Variants in PMS1 observed in about 807,000 individuals in gnomAD.
PMS1 encodes PMS1 protein homolog 1.
Under a neutral mutation model 93.1 loss-of-function variants are expected in PMS1, and 79 were observed. The observed-to-expected ratio is 0.85, with a 90% CI of 0.71 to 1.02. The LOEUF (loss-of-function observed/expected upper bound fraction) is 1.02, where lower values mean the gene tolerates loss of function less well. Among genes scored for constraint, PMS1 ranks in the 50% least tolerant of loss-of-function variants. PMS1 has a pLI of 0.00. For synonymous variants in PMS1, 335 were observed against 363.4 expected (o/e 0.92, Z 0.89); for missense variants, 1,064 against 1,085.3 (o/e 0.98, Z 0.28).
intron 5 of PMS1, among the ~76,000 whole-genome samples, chr2:189,843,401 A>G (rs2053981871): frequency 6.6e-6 from 1 of 152,198 alleles, no homozygotes; most frequent in African/African-American, 2.4e-5. Flanking sequence ...AGATTCAGTT[A>G]ACATTTTGTG....
intron 10 of PMS1, 134 bp downstream of exon 10, chr2:189,864,362 A>G: frequency 1.3e-6 from 1 of 775,532 alleles, no homozygotes; most frequent in Non-Finnish European, 2.2e-6. Context: ...AATCTTTTAA[A>G]CATTTGATTT....
Position 189,855,041 on chromosome 2 carries a change from T to G in PMS1, c.1769T>G (p.Leu590Arg), listed in dbSNP as rs756240681. ...GTTCAAGATCATCGTCCTCAGTTTCTCATAGAAAATCCTAAGACTAGTTTA... is the reference window on the plus strand; with the variant it reads ...GTTCAAGATCATCGTCCTCAGTTTCGCATAGAAAATCCTAAGACTAGTTTA... ...LFVQDHRPQF[L>R]IENPKTSLED... Residue 590 changes from leucine (L) to arginine (R), a missense_variant, in exon 9 of 13, where the codon CTC (leucine) becomes CGC (arginine). Leu to Arg is a moderately radical substitution (Grantham distance 102, BLOSUM62 -2). Transcript: ENST00000441310. The G allele has an allele frequency of 1.9e-6, 3 of 1,613,002 alleles. No homozygotes were observed. In the Admixed American group the frequency reaches 5.0e-5, roughly 27 times the overall value.
At chr2:189,814,058 T>G (rs1353308086) in intron 4 of PMS1, among the ~76,000 whole-genome samples, 1 of 152,224 alleles carries the variant, frequency 6.6e-6, no homozygotes, top group Non-Finnish European at 1.5e-5. Context: ...AATGCATACC[T>G]GCTCTGACTG....
intron 11 of PMS1, among the ~76,000 whole-genome samples, chr2:189,872,504 A>G (rs2057235986): frequency 6.6e-6 from 1 of 152,220 alleles, no homozygotes; most frequent in Admixed American, 6.5e-5. Context: ...ACAGCCAAAG[A>G]AGACACATCT....
chr2:189,797,225 G>T (rs1398078403), intron 3 of PMS1, among the ~76,000 whole-genome samples: 1 of 152,152 alleles, frequency 6.6e-6, no homozygotes, highest in Non-Finnish European at 1.5e-5. Context: ...GATGTGAATT[G>T]ACTTGGTCTA....
chr2:189,843,946 T>A lies in PMS1; in HGVS notation c.583-18T>A. 1 of 1,591,138 alleles carries A rather than the reference T, an allele frequency of 6.3e-7. No homozygotes were observed. Among genetic ancestry groups the A allele is most frequent in the African/African-American group, 1.3e-5 (1 of 74,544 alleles). ...TCTAAATTGTATTAAAAGTTATCTA[T>A]ATCATTTTTGTCCCTAGGCAGTTAT... On this transcript the variant is annotated intron_variant, in intron 5 of 12. Transcript: ENST00000441310.
chr2:189,825,999 C>T (rs1233288), intron 5 of PMS1, among the ~76,000 whole-genome samples: 54,385 of 151,950 alleles, frequency 0.36, 11,217 homozygotes, highest in African/African-American at 0.58. Context: ...GGAGATTTGG[C>T]AGTGAGTGGT....
chr2:189,791,290 TA>T (rs2048844249), intron 1 of PMS1, among the ~76,000 whole-genome samples: 1 of 152,128 alleles, frequency 6.6e-6, no homozygotes, highest in African/African-American at 2.4e-5. Flanking sequence ...ATTGAGGTGA[TA>T]ATGGCACCTA....
At chr2:189,797,025 A>C (rs1236162823) in intron 3 of PMS1, among the ~76,000 whole-genome samples, 1 of 152,198 alleles carries the variant, frequency 6.6e-6, no homozygotes, top group Non-Finnish European at 1.5e-5. Context: ...CAGAGCCTTT[A>C]CTATATTCAA....
chr2:189,836,880 C>T (rs987402095), intron 5 of PMS1, among the ~76,000 whole-genome samples: 5 of 152,120 alleles, frequency 3.3e-5, no homozygotes, highest in Admixed American at 6.5e-5. Context: ...GATCTTTTTA[C>T]GGTTGTGTAT....
At chr2:189,849,990 T>C (rs1350086480) in intron 6 of PMS1, among the ~76,000 whole-genome samples, 2 of 151,882 alleles carry the variant, frequency 1.3e-5, no homozygotes, top group African/African-American at 2.4e-5. Context: ...TACCAGAATT[T>C]AATTTCCAGC....
chr2:189,862,267 C>T (rs1348041371), intron 9 of PMS1, among the ~76,000 whole-genome samples: 4 of 152,074 alleles, frequency 2.6e-5, no homozygotes, highest in Non-Finnish European at 4.4e-5. Context: ...TGCTGTTAAG[C>T]CTACCCGGTG....
At chr2:189,839,442 A>C (rs1435848837) in intron 5 of PMS1, among the ~76,000 whole-genome samples, 1 of 152,354 alleles carries the variant, frequency 6.6e-6, no homozygotes, top group South Asian at 2.1e-4. Context: ...AAGGGAAACT[A>C]TAAACCCCTT....
At chr2:189,817,303 A>G (rs529218933) in intron 4 of PMS1, among the ~76,000 whole-genome samples, 1 of 152,358 alleles carries the variant, frequency 6.6e-6, no homozygotes, top group Admixed American at 6.5e-5. Context: ...GATTGATTTC[A>G]TAACTCAGAT....
At chr2:189,869,964 G>A (rs1234519586) in intron 11 of PMS1, among the ~76,000 whole-genome samples, 1 of 151,912 alleles carries the variant, frequency 6.6e-6, no homozygotes, top group Non-Finnish European at 1.5e-5. Context: ...CTCTTAGCTT[G>A]TAAGTAGTAT....
At chr2:189,788,335 T>C (rs5742960) in intron 1 of PMS1, among the ~76,000 whole-genome samples, 142,465 of 152,260 alleles carry the variant, frequency 0.94, 66,754 homozygotes, top group East Asian at 0.97. Context: ...AGTCCCAGTA[T>C]CCTGGGATGT....
At chr2:189,866,481 C>G (rs2056670074) in intron 10 of PMS1, among the ~76,000 whole-genome samples, 1 of 152,060 alleles carries the variant, frequency 6.6e-6, no homozygotes, top group Non-Finnish European at 1.5e-5. Flanking sequence ...AAAACTGAGT[C>G]AGGGACTAGT....
In PMS1 at chr2:189,791,823, C is replaced by G; in HGVS notation, c.14C>G (p.Pro5Arg). The G allele has an allele frequency of 6.2e-7, 1 of 1,613,886 alleles. No homozygotes were observed. Among genetic ancestry groups the G allele is most frequent in the Non-Finnish European group, 8.5e-7 (1 of 1,179,848 alleles). ...TTAAAAGCGAAAATGAAACAATTGCCTGCGGCAACAGTTCGACTCCTTTCA... is the reference window on the plus strand; with the variant it reads ...TTAAAAGCGAAAATGAAACAATTGCGTGCGGCAACAGTTCGACTCCTTTCA... Reference protein sequence around the residue: MKQLPAATVRLLSSS... With the variant: MKQLRAATVRLLSSS... The change falls in exon 2 of 13, where the codon CCT becomes CGT. Residue 5 changes from proline (P) to arginine (R), a missense_variant. By Grantham distance (103) the Pro-to-Arg change is moderately radical (BLOSUM62 -2). Coordinates refer to ENST00000441310, the MANE Select transcript of PMS1 (RefSeq NM_000534.5).
intron 7 of PMS1, 98 bp downstream of exon 7, chr2:189,852,875 A>G (rs2054896591): frequency 1.3e-6 from 1 of 773,530 alleles, no homozygotes; most frequent in Non-Finnish European, 2.2e-6. Flanking sequence ...AAAAAAAAAG[A>G]AATACAATGT....
Sources: gnomAD v4.1 joint callset for allele counts (sites outside exome capture counted in the v4.1 genomes callset) on GRCh38, gnomAD v4.1.1 for gene constraint, MANE v1.5 for transcripts, NCBI Gene and HGNC (gene_info 2026-07-23, HGNC 2026-07-21) for gene names.